USP38: variants seen among roughly 807,000 people sequenced by gnomAD.
USP38 encodes ubiquitin carboxyl-terminal hydrolase 38.
In USP38, 49 loss-of-function variants were observed where a neutral mutation model predicts 94.3. The ratio of observed to expected loss-of-function variants is 0.52; its 90% CI spans 0.41 to 0.66. The LOEUF is 0.66. Ranked by LOEUF, USP38 falls within the 30% of genes least tolerant of loss-of-function variation. The probability of loss-of-function intolerance (pLI) is 0.00; values close to 1 mark genes in which losing one functional copy is unlikely to be tolerated. For synonymous variants in USP38, 468 were observed against 463.6 expected (o/e 1.01, Z -0.12); for missense variants, 1,128 against 1,229.4 (o/e 0.92, Z 1.23).
chr4:143,191,290 C>T (rs1346761617), intron 2 of USP38, among the ~76,000 whole-genome samples: 2 of 151,998 alleles, frequency 1.3e-5, no homozygotes, highest in African/African-American at 2.4e-5. Context: ...TGAAATAGGC[C>T]AGGTATAAGT....
At chr4:143,194,060 G>C (rs1208652685) in intron 2 of USP38, among the ~76,000 whole-genome samples, 2 of 152,196 alleles carry the variant, frequency 1.3e-5, no homozygotes, top group Non-Finnish European at 2.9e-5. Context: ...CTGCACTCCG[G>C]TCTGGGTGAC....
rs1446848899 is a variant in USP38, at chr4:143,222,720, T to G, written c.*2264T>G. On this transcript the variant is annotated 3_prime_UTR_variant, in exon 10 of 10. Coordinates refer to ENST00000307017, the MANE Select transcript of USP38 (RefSeq NM_032557.6). ...ACGTGATTTGTTGAATTCAACATAT[T>G]TGGAACCAGAATAATCAGAAACTTC... The G allele has an allele frequency of 6.6e-6, 1 of 152,094 alleles. No individual in the cohort carries two copies. Among genetic ancestry groups the G allele is most frequent in the Non-Finnish European group, 1.5e-5 (1 of 67,966 alleles). 9.4% of individuals were successfully genotyped at this position (152,094 alleles called of 1,614,324 possible).
In USP38 at chr4:143,195,711, T is replaced by C; in HGVS notation, c.819-5T>C. 1 of 1,577,506 alleles carries C rather than the reference T, an allele frequency of 6.3e-7. No homozygotes were observed. On this transcript the variant is annotated splice_polypyrimidine_tract_variant and splice_region_variant and intron_variant, in intron 2 of 9. Transcript: ENST00000307017. Reference sequence around the variant, plus strand: ...AATGATTGTTTCATTTTCCTTCAATTTCAGAATGATTGACTGGCTATCCTG... The same window carrying C: ...AATGATTGTTTCATTTTCCTTCAATCTCAGAATGATTGACTGGCTATCCTG...
chr4:143,220,583 A>G lies in USP38; in HGVS notation c.*127A>G. Reference sequence around the variant, plus strand: ...CCTTATACTTCAAGAGAACACACTCAGTGCTTGTTTTTATTTTCTTGACAC... The same window carrying G: ...CCTTATACTTCAAGAGAACACACTCGGTGCTTGTTTTTATTTTCTTGACAC... On this transcript the variant is annotated 3_prime_UTR_variant, in exon 10 of 10. Transcript: ENST00000307017. 1 of 931,486 alleles carries G rather than the reference A, an allele frequency of 1.1e-6. No individual in the cohort carries two copies. Among genetic ancestry groups the G allele is most frequent in the Non-Finnish European group, 1.4e-6 (1 of 696,996 alleles). 57.7% of individuals were successfully genotyped at this position (931,486 alleles called of 1,614,324 possible).
At position 143,185,709 on chromosome 4, in the gene USP38, G is replaced by T. The variant is rs766065732; in HGVS notation, c.259G>T (p.Gly87Cys). Residue 87 changes from glycine (G) to cysteine (C), a missense_variant, in exon 1 of 10, where the codon GGC (glycine) becomes TGC (cysteine). Coordinates refer to ENST00000307017, the MANE Select transcript of USP38 (RefSeq NM_032557.6). ...ESFFNKTFVLGLLHQGYHSLD... is the reference protein window; with the variant it reads ...ESFFNKTFVLCLLHQGYHSLD... ...CTTCTTCAACAAGACCTTCGTGTTG[G>T]GCCTCCTTCATCAGGGCTACCACTC... The T allele has an allele frequency of 6.2e-7, 1 of 1,614,134 alleles. No homozygotes were observed. Among genetic ancestry groups the T allele is most frequent in the East Asian group, 2.2e-5 (1 of 44,862 alleles).
At position 143,203,391 on chromosome 4, in the gene USP38, T is replaced by G; in HGVS notation, c.1051-17T>G. ...ATTTGTATAAATTCAGCATTGTTTA[T>G]CCTTTTTTCTTTTCAGATTGTTCCT... On this transcript the variant is annotated splice_polypyrimidine_tract_variant and intron_variant, in intron 4 of 9. Coordinates refer to ENST00000307017, the MANE Select transcript of USP38 (RefSeq NM_032557.6). 2 of 1,602,540 alleles carry G rather than the reference T, an allele frequency of 1.2e-6. No homozygotes were observed. The highest frequency in any genetic ancestry group is 1.7e-6 in the Non-Finnish European group (2 of 1,173,154).
Position 143,204,547 on chromosome 4 carries a change from G to T in USP38, c.1209+981G>T, listed in dbSNP as rs1365488497. 9 of 369,942 alleles carry T rather than the reference G, an allele frequency of 2.4e-5. No homozygotes were observed. The East Asian group carries it at 4.0e-4, about 16-fold the overall frequency. The allele number at this position is 369,942 out of a possible 1,614,324, so 22.9% of individuals were successfully genotyped here. On this transcript the variant is annotated intron_variant, in intron 5 of 9. Coordinates refer to ENST00000307017, the MANE Select transcript of USP38 (RefSeq NM_032557.6). ...TGGGACTCCAGGTGCACACCACCAC[G>T]CCAGGCTAACTTTTTATTTTTTGTA... is the stretch of plus-strand genomic sequence containing the variant.
chr4:143,212,882 C>T (rs889596529), intron 8 of USP38, among the ~76,000 whole-genome samples: 2 of 152,036 alleles, frequency 1.3e-5, no homozygotes, highest in Admixed American at 1.3e-4. Flanking sequence ...ACAACTTTTT[C>T]ATTTTTAAAA....
rs1284852590 is a variant in USP38, at chr4:143,214,589, A to C, written c.2613A>C (p.Ser871=). The C allele has an allele frequency of 1.2e-6, 2 of 1,613,620 alleles. No homozygotes were observed. The highest frequency in any genetic ancestry group is 2.2e-5 in the East Asian group (1 of 44,798). Residue 871 remains serine (S), a synonymous_variant, in exon 9 of 10, where the codon TCA becomes TCC. Coordinates refer to ENST00000307017, the MANE Select transcript of USP38 (RefSeq NM_032557.6). ...GGAATATCACAAGTACAGACTCTTC[A>C]TATCAGATGTACCACCAGTCTGAGG... The part of the protein sequence containing the change: ...YARNITSTDS[S]YQMYHQSEAL...
In USP38 at chr4:143,185,587, C is replaced by T; in HGVS notation, c.137C>T (p.Thr46Ile). The T allele has an allele frequency of 6.2e-7, 1 of 1,614,178 alleles. No homozygotes were observed. Among genetic ancestry groups the T allele is most frequent in the Non-Finnish European group, 8.5e-7 (1 of 1,180,028 alleles). ...TGCGAGGCCATGTTTGACCTGACGA[C>T]CCGGCTCATCCTGGAGGGCCAGGAC... ...AQCEAMFDLTTRLILEGQDPF... is the reference protein window; with the variant it reads ...AQCEAMFDLTIRLILEGQDPF... The change falls in exon 1 of 10, where the codon ACC becomes ATC. Residue 46 changes from threonine to isoleucine, a missense_variant. Coordinates refer to ENST00000307017, the MANE Select transcript of USP38 (RefSeq NM_032557.6).
chr4:143,186,224 T>G, intron 1 of USP38, 92 bp downstream of exon 1: 1 of 1,347,412 alleles, frequency 7.4e-7, no homozygotes, highest in Non-Finnish European at 1.0e-6. Flanking sequence ...CCTCCTGCCC[T>G]AAAAACATTC....
chr4:143,217,928 T>C (rs1232819792), intron 9 of USP38, among the ~76,000 whole-genome samples: 2 of 152,156 alleles, frequency 1.3e-5, no homozygotes, highest in Non-Finnish European at 2.9e-5. Flanking sequence ...TATATTTCTT[T>C]CCCTTCAGTC....
chr4:143,220,707 AAT>A lies in USP38; in HGVS notation c.*254_*255del, dbSNP rs1312580753. On this transcript the variant is annotated 3_prime_UTR_variant, in exon 10 of 10. Transcript: ENST00000307017. ...GCTTGACCAAAAATGTTCAGAAGAA[AAT>A]ATGTACCTGGTCCCTAATTAAGCTG... is the stretch of plus-strand genomic sequence containing the variant. 3.4e-6 allele frequency: 1 copy of A among 293,796 alleles called. No individual in the cohort carries two copies. Among genetic ancestry groups the A allele is most frequent in the Non-Finnish European group, 6.1e-6 (1 of 162,924 alleles). The allele number at this position is 293,796 out of a possible 1,614,324, so 18.2% of individuals were successfully genotyped here.
rs753405222 is a variant in USP38 at position 143,185,769 on chromosome 4, A to C, written c.319A>C (p.Ile107Leu). ...GAAGGATGTAGCCATCCTGGACTACATTCACAACGGCCTGAAGCTGATTAT... is the reference window on the plus strand; with the variant it reads ...GAAGGATGTAGCCATCCTGGACTACCTTCACAACGGCCTGAAGCTGATTAT... ...DRKDVAILDY[I>L]HNGLKLIMSC... is the part of the protein sequence containing the mutation. The change falls in exon 1 of 10, where the codon ATT becomes CTT. Residue 107 changes from isoleucine (I) to leucine (L), a missense_variant. Physicochemically the swap from Ile to Leu is conservative, Grantham distance 5. Coordinates refer to ENST00000307017, the MANE Select transcript of USP38 (RefSeq NM_032557.6). 1.2e-6 allele frequency: 2 copies of C among 1,614,080 alleles called. No homozygotes were observed. The highest frequency in any genetic ancestry group is 1.7e-6 in the Non-Finnish European group (2 of 1,180,052).
At chr4:143,210,248 C>A (rs923318778) in intron 7 of USP38, among the ~76,000 whole-genome samples, 1 of 152,144 alleles carries the variant, frequency 6.6e-6, no homozygotes, top group African/African-American at 2.4e-5. Flanking sequence ...ATTCACTCAA[C>A]AGACATTTAT....
intron 1 of USP38, among the ~76,000 whole-genome samples, 175 bp downstream of exon 1, chr4:143,186,307 C>G (rs1731223087): frequency 6.6e-6 from 1 of 152,156 alleles, no homozygotes; most frequent in African/African-American, 2.4e-5. Context: ...GACGTCACAT[C>G]GTACTTTAAA....
intron 5 of USP38, 54 bp downstream of exon 5, chr4:143,203,620 A>G: frequency 6.6e-7 from 1 of 1,515,482 alleles, no homozygotes; most frequent in Non-Finnish European, 8.9e-7. Flanking sequence ...TAATAAGGTG[A>G]AACATTCTTA....
rs539052800 is a variant in USP38, at chr4:143,222,975, G to A, written c.*2519G>A. ...AGTCAGAGTAATCAGTTTAAATGAA[G>A]TTGCTCATTGCTGCTAAGAAGCATT... On this transcript the variant is annotated 3_prime_UTR_variant, in exon 10 of 10. Transcript: ENST00000307017. The A allele has an allele frequency of 4.6e-5, 7 of 152,212 alleles. No homozygotes were observed. In the South Asian group the frequency reaches 1.4e-3, roughly 32 times the overall value. 9.4% of individuals were successfully genotyped at this position (152,212 alleles called of 1,614,324 possible).
chr4:143,209,463 C>A, intron 6 of USP38, 101 bp from the exon 7 acceptor site: 1 of 655,434 alleles, frequency 1.5e-6, no homozygotes, highest in South Asian at 2.2e-5. Flanking sequence ...GCCCTCCAGC[C>A]TGGGCAACAA....
Sources: gnomAD v4.1 joint callset for allele counts (sites outside exome capture counted in the v4.1 genomes callset) on GRCh38, gnomAD v4.1.1 for gene constraint, MANE v1.5 for transcripts, NCBI Gene and HGNC (gene_info 2026-07-23, HGNC 2026-07-21) for gene names.